The following GABRB2 variants were observed in gnomAD, a reference collection of about 807,000 sequenced individuals.
The protein encoded by GABRB2 is gamma-aminobutyric acid type A receptor subunit beta2.
Under a neutral mutation model 54.7 loss-of-function variants are expected in GABRB2, and 16 were observed. The observed-to-expected ratio is 0.29, with a 90% CI of 0.20 to 0.44. The LOEUF is 0.44. Among genes scored for constraint, GABRB2 ranks in the 20% least tolerant of loss-of-function variants. GABRB2 has a pLI of 1.00. For synonymous variants in GABRB2, 244 were observed against 233.8 expected, an observed-to-expected ratio of 1.04 and a Z score of -0.40; for missense variants, 355 against 644.0, an observed-to-expected ratio of 0.55 and a Z score of 4.86.
chr5:161,367,328 A>G (rs935879476), intron 5 of GABRB2, among the ~76,000 whole-genome samples: 2 of 152,224 alleles, frequency 1.3e-5, no homozygotes, highest in Non-Finnish European at 2.9e-5. Context: ...TCTTGTGAAG[A>G]TAAATGAGAT....
intron 3 of GABRB2, among the ~76,000 whole-genome samples, chr5:161,476,261 A>G (rs1758588689): frequency 6.6e-6 from 1 of 151,928 alleles, no homozygotes; most frequent in Admixed American, 6.6e-5. Context: ...TACTCTGCAA[A>G]CTGTAATATG....
chr5:161,379,908 G>A (rs1008789648), intron 5 of GABRB2, among the ~76,000 whole-genome samples: 1 of 152,046 alleles, frequency 6.6e-6, no homozygotes, highest in Non-Finnish European at 1.5e-5. Flanking sequence ...AAAATATGGA[G>A]GAAAATCCTG....
At chr5:161,322,407 T>C (rs2113382737) in intron 9 of GABRB2, among the ~76,000 whole-genome samples, 1 of 152,288 alleles carries the variant, frequency 6.6e-6, no homozygotes, top group East Asian at 1.9e-4. Context: ...AGATAATTTT[T>C]GTACTTTTTC....
At chr5:161,454,470 C>T (rs1205014749) in intron 4 of GABRB2, among the ~76,000 whole-genome samples, 1 of 152,014 alleles carries the variant, frequency 6.6e-6, no homozygotes, top group African/African-American at 2.4e-5. Flanking sequence ...TTGCTCAGTC[C>T]CACTCTTTCT....
chr5:161,477,194 A>G (rs1365925150), intron 3 of GABRB2, among the ~76,000 whole-genome samples: 1 of 151,604 alleles, frequency 6.6e-6, no homozygotes, highest in Non-Finnish European at 1.5e-5. Context: ...GAAAATCACT[A>G]ATCATTATAA....
At chr5:161,433,443 T>C (rs959624818) in intron 4 of GABRB2, among the ~76,000 whole-genome samples, 1 of 94,256 alleles carries the variant, frequency 1.1e-5, no homozygotes, top group African/African-American at 6.1e-5. Context: ...CTACTAAAAA[T>C]ACAAAAAAAA....
intron 5 of GABRB2, among the ~76,000 whole-genome samples, chr5:161,369,814 CT>C (rs1554096410): frequency 6.6e-6 from 1 of 152,146 alleles, no homozygotes; most frequent in Non-Finnish European, 1.5e-5. Flanking sequence ...TCTTATCTGT[CT>C]TTCTTCAGTG....
intron 3 of GABRB2, among the ~76,000 whole-genome samples, chr5:161,479,597 T>TTG (rs1554103383): frequency 2.6e-5 from 4 of 150,996 alleles, no homozygotes; most frequent in African/African-American, 9.7e-5. Flanking sequence ...TTTTTTTTTT[T>TTG]TTTTTTGAGG....
chr5:161,408,949 G>A lies in GABRB2; in HGVS notation c.541+2026C>T, dbSNP rs567821907. Among the ~76,000 whole-genome samples, 7 of 152,168 alleles carry A rather than the reference G, an allele frequency of 4.6e-5. No individual in the cohort carries two copies. In the East Asian group the frequency reaches 1.4e-3, roughly 29 times the overall value. On this transcript the variant is annotated intron_variant, in intron 5 of 9. Coordinates refer to ENST00000393959, the MANE Select transcript of GABRB2 (RefSeq NM_001371727.1). Reference sequence around the variant, plus strand: ...TGGGATCCTAAATTCACTTCAATATGTTTAGTTAGTAGACAACCTATTTAC... The same window carrying A: ...TGGGATCCTAAATTCACTTCAATATATTTAGTTAGTAGACAACCTATTTAC...
chr5:161,453,030 T>A (rs933796011), intron 4 of GABRB2, among the ~76,000 whole-genome samples: 1 of 152,170 alleles, frequency 6.6e-6, no homozygotes, highest in African/African-American at 2.4e-5. Flanking sequence ...TCTATATCAT[T>A]TTTCTTTAAA....
chr5:161,429,161 A>G (rs1033836024), intron 4 of GABRB2, among the ~76,000 whole-genome samples: 5 of 151,170 alleles, frequency 3.3e-5, no homozygotes, highest in Non-Finnish European at 5.9e-5. Flanking sequence ...AGTCTGGCCA[A>G]CATGGTGAAA....
intron 4 of GABRB2, among the ~76,000 whole-genome samples, chr5:161,441,119 C>T (rs544332424): frequency 6.6e-6 from 1 of 152,234 alleles, no homozygotes; most frequent in African/African-American, 2.4e-5. Context: ...AATGGGATCA[C>T]ATCAAGTTAA....
At chr5:161,376,128 A>G (rs1755287428) in intron 5 of GABRB2, among the ~76,000 whole-genome samples, 1 of 152,174 alleles carries the variant, frequency 6.6e-6, no homozygotes, top group African/African-American at 2.4e-5. Flanking sequence ...TTCATCACTG[A>G]AATAATCAAA....
At chr5:161,334,991 T>A in intron 6 of GABRB2, 87 bp from the exon 7 acceptor site, 2 of 1,316,946 alleles carry the variant, frequency 1.5e-6, no homozygotes. Flanking sequence ...GTACCTCTTC[T>A]CTCAGTTCAG....
chr5:161,443,223 A>G (rs1453862942), intron 4 of GABRB2, among the ~76,000 whole-genome samples: 1 of 152,210 alleles, frequency 6.6e-6, no homozygotes, highest in African/African-American at 2.4e-5. Context: ...ATCCATGCCT[A>G]CAGAAACTGA....
chr5:161,535,293 C>A (rs1296168673), intron 3 of GABRB2, among the ~76,000 whole-genome samples: 1 of 151,906 alleles, frequency 6.6e-6, no homozygotes, highest in African/African-American at 2.4e-5. Context: ...TTATATAATG[C>A]ACTGTGTATT....
intron 4 of GABRB2, among the ~76,000 whole-genome samples, chr5:161,445,280 G>T (rs1410324831): frequency 6.6e-6 from 1 of 152,088 alleles, no homozygotes; most frequent in African/African-American, 2.4e-5. Flanking sequence ...TAAAGTTCAG[G>T]GTAAAGTAGT....
intron 9 of GABRB2, among the ~76,000 whole-genome samples, chr5:161,307,260 G>T (rs1757715802): frequency 6.6e-6 from 1 of 152,036 alleles, no homozygotes. Flanking sequence ...TTCCTTCACT[G>T]CTCTTATTTC....
intron 5 of GABRB2, among the ~76,000 whole-genome samples, chr5:161,344,953 C>G (rs970728391): frequency 1.3e-5 from 2 of 152,008 alleles, no homozygotes; most frequent in African/African-American, 4.8e-5. Context: ...AACAGAAAAC[C>G]AAACACCACA....
Sources: allele counts gnomAD v4.1 joint callset (sites outside exome capture counted in the v4.1 genomes callset), GRCh38; gene constraint gnomAD v4.1.1; transcripts MANE v1.5; gene names NCBI Gene and HGNC (gene_info 2026-07-23, HGNC 2026-07-21).